Variants in MDN1 observed in about 807,000 individuals in gnomAD.
MDN1 encodes the protein midasin AAA ATPase 1.
Under a neutral mutation model 669.2 loss-of-function variants are expected in MDN1, and 266 were observed. The observed-to-expected ratio is 0.40, with a 90% CI of 0.36 to 0.44. The LOEUF is 0.44. Among genes scored for constraint, MDN1 ranks in the 20% least tolerant of loss-of-function variants. MDN1 has a pLI of 1.00. For synonymous variants in MDN1, 2,385 were observed against 2,457.1 expected, an observed-to-expected ratio of 0.97 and a Z score of 0.87; for missense variants, 5,940 against 6,754.0, an observed-to-expected ratio of 0.88 and a Z score of 4.22.
chr6:89,684,219 T>G (rs918686174), intron 71 of MDN1, among the ~76,000 whole-genome samples: 1 of 152,126 alleles, frequency 6.6e-6, no homozygotes, highest in Non-Finnish European at 1.5e-5. Context: ...GGCTTGCACC[T>G]GTAGTCCCAG....
At chr6:89,759,040 A>G in intron 17 of MDN1, 80 bp from the exon 18 acceptor site, 1 of 1,412,806 alleles carries the variant, frequency 7.1e-7, no homozygotes, top group Non-Finnish European at 9.8e-7. Flanking sequence ...AAGCAGGGTT[A>G]GAAATAGAGG....
At position 89,750,406 on chromosome 6, in the gene MDN1, C is replaced by T; in HGVS notation, c.3354G>A (p.Glu1118=). The change falls in exon 24 of 102, where the codon GAG becomes GAA. Residue 1118 remains glutamate, a synonymous_variant. Coordinates refer to ENST00000369393, the MANE Select transcript of MDN1 (RefSeq NM_014611.3). ...AGTCAGACGTGTAACAACCAATGTACTCCTGAATATCCGTGTGTTCGTGAT... is the reference window on the plus strand; with the variant it reads ...AGTCAGACGTGTAACAACCAATGTATTCCTGAATATCCGTGTGTTCGTGAT... ...INNHEHTDIQ[E]YIGCYTSDSS... The T allele has an allele frequency of 1.9e-6, 3 of 1,614,040 alleles. No homozygotes were observed. The highest frequency in any genetic ancestry group is 2.2e-5 in the South Asian group (2 of 91,074).
chr6:89,688,040 A>G (rs367855976), intron 67 of MDN1, 38 bp downstream of exon 67: 1 of 1,542,530 alleles, frequency 6.5e-7, no homozygotes, highest in Non-Finnish European at 9.0e-7. Flanking sequence ...TTGCCAACTG[A>G]CCACCAACTA....
intron 1 of MDN1, among the ~76,000 whole-genome samples, chr6:89,811,989 C>CTT (rs752960421): frequency 6.9e-6 from 1 of 145,586 alleles, no homozygotes; most frequent in African/African-American, 2.5e-5. Context: ...CAAGAAAAAA[C>CTT]TTTTTTTTTT....
chr6:89,756,305 TCA>T lies in MDN1; in HGVS notation c.2786_2787del (p.Val929GlufsTer30), dbSNP rs764188726. The stretch of plus-strand genomic sequence containing the variant: ...ATGATTCCTTGCACTGTATTCTTGT[TCA>T]CACTCAATCCTTTCAGATAATCTAC... ...LIVDYLKGLSVNKNTVQGIIN... is the reference protein window; with the variant it reads ...LIVDYLKGLSXNKNTVQGIIN... On this transcript the variant is annotated frameshift_variant, in exon 20 of 102. Transcript: ENST00000369393. LOFTEE classifies it high-confidence loss of function. The T allele has an allele frequency of 1.9e-6, 3 of 1,592,694 alleles. No homozygotes were observed. The highest frequency in any genetic ancestry group is 1.7e-4 in the Middle Eastern group (1 of 6,006).
rs769709155 is a variant in MDN1 at position 89,729,049 on chromosome 6, T to A, written c.5231A>T (p.Lys1744Ile). Residue 1744 changes from lysine to isoleucine, a missense_variant, in exon 36 of 102, where the codon AAA (lysine) becomes ATA (isoleucine). By Grantham distance (102) the Lys-to-Ile change is moderately radical (BLOSUM62 -3). This residue lies in a region of MDN1 where 2,292 missense variants were observed against 2,638.3 expected (regional missense o/e 0.87). Coordinates refer to ENST00000369393, the MANE Select transcript of MDN1 (RefSeq NM_014611.3). ...CTCCAGGAGAATGGGCTTCTTCAGT[T>A]TGGTAGCTCTTAAGAGCCTCTGTGC... ...MNAQRLLRATKLKKPILLEGS... is the reference protein window; with the variant it reads ...MNAQRLLRATILKKPILLEGS... 6.2e-7 allele frequency: 1 copy of A among 1,613,948 alleles called. No individual in the cohort carries two copies. Among genetic ancestry groups the A allele is most frequent in the Non-Finnish European group, 8.5e-7 (1 of 1,179,998 alleles).
Position 89,771,622 on chromosome 6 carries a change from C to T in MDN1, c.2084-1G>A. 6.2e-7 allele frequency: 1 copy of T among 1,613,374 alleles called. No individual in the cohort carries two copies. The highest frequency in any genetic ancestry group is 8.5e-7 in the Non-Finnish European group (1 of 1,179,468). ...ATATTGACAACCCTCAAACGGTGGC[C>T]TTTTATAAAGAAAGTGCAAAAGTGT... is the stretch of plus-strand genomic sequence containing the variant. On this transcript the variant is annotated splice_acceptor_variant, in intron 14 of 101. Transcript: ENST00000369393. LOFTEE classifies it high-confidence loss of function.
Position 89,645,105 on chromosome 6 carries a change from C to T in MDN1, c.16512G>A (p.Glu5504=), listed in dbSNP as rs1192363907. 1.9e-6 allele frequency: 3 copies of T among 1,612,016 alleles called. No homozygotes were observed. The highest frequency in any genetic ancestry group is 4.5e-5 in the East Asian group (2 of 44,854). ...VVSDGRGLFL[E]GKERVLAAVQ... is the part of the protein sequence containing the mutation. The stretch of plus-strand genomic sequence containing the variant: ...CTGCTGCCAGGACTCTTTCTTTGCC[C>T]TCAAGGAAAAGGCCTCGCCCATCAG... The change falls in exon 101 of 102, where the codon GAG becomes GAA. Residue 5504 remains glutamate (E), a synonymous_variant. Coordinates refer to ENST00000369393, the MANE Select transcript of MDN1 (RefSeq NM_014611.3).
chr6:89,714,716 A>G lies in MDN1; in HGVS notation c.6896T>C (p.Ile2299Thr), dbSNP rs150248107. 2.3e-4 allele frequency: 370 copies of G among 1,614,144 alleles called. 1 individual carries two copies. The highest frequency in any genetic ancestry group is 2.9e-4 in the Non-Finnish European group (346 of 1,180,008). The change falls in exon 46 of 102, where the codon ATA (isoleucine) becomes ACA (threonine). Residue 2299 changes from isoleucine to threonine, a missense_variant. Coordinates refer to ENST00000369393, the MANE Select transcript of MDN1 (RefSeq NM_014611.3). ...TCCACGATTCCTCATAGCTCGGGAT[A>G]TATCTCCATGAACAGGATCCATCGA... ...FLSMDPVHGD[I>T]SRAMRNRGLE...
At chr6:89,766,471 C>A (rs1393156290) in intron 15 of MDN1, among the ~76,000 whole-genome samples, 1 of 152,138 alleles carries the variant, frequency 6.6e-6, no homozygotes, top group East Asian at 1.9e-4. Flanking sequence ...GGGAACCAAC[C>A]TGACACCTCA....
In MDN1 at chr6:89,790,237, T is replaced by G; in HGVS notation, c.1020A>C (p.Glu340Asp). The change falls in exon 6 of 102, where the codon GAA (glutamate) becomes GAC (aspartate). Residue 340 changes from glutamate (E) to aspartate (D), a missense_variant. Coordinates refer to ENST00000369393, the MANE Select transcript of MDN1 (RefSeq NM_014611.3). The part of the protein sequence containing the change: ...PIGCGKTSLV[E>D]YLAAVTGRTK... ...TTCTACCTGTCACTGCAGCTAAATA[T>G]TCAACTAAGGAAGTTTTGCCACATC... 6.2e-7 allele frequency: 1 copy of G among 1,614,142 alleles called. No homozygotes were observed. Among genetic ancestry groups the G allele is most frequent in the Non-Finnish European group, 8.5e-7 (1 of 1,180,012 alleles).
intron 59 of MDN1, among the ~76,000 whole-genome samples, chr6:89,697,845 G>A (rs1465961518): frequency 1.3e-5 from 2 of 152,044 alleles, no homozygotes; most frequent in Admixed American, 1.3e-4. Flanking sequence ...GCCTCCCAAA[G>A]TGCTAGGATT....
At chr6:89,730,696 G>A (rs980404296) in intron 35 of MDN1, 30 bp downstream of exon 35, 6 of 1,583,132 alleles carry the variant, frequency 3.8e-6, no homozygotes, top group East Asian at 2.2e-5. Flanking sequence ...TATAGAAAAG[G>A]AAAATTCATT....
At position 89,668,027 on chromosome 6, in the gene MDN1, C is replaced by G; in HGVS notation, c.14081G>C (p.Gly4694Ala). The G allele has an allele frequency of 6.2e-7, 1 of 1,613,736 alleles. No homozygotes were observed. Among genetic ancestry groups the G allele is most frequent in the Non-Finnish European group, 8.5e-7 (1 of 1,179,788 alleles). The change falls in exon 84 of 102, where the codon GGA (glycine) becomes GCA (alanine). Residue 4694 changes from glycine (G) to alanine (A), a missense_variant. Around this residue, in one of 5 missense-constraint regions of MDN1, gnomAD observed 2,280 missense variants for 2,576.3 expected, o/e 0.88. Coordinates refer to ENST00000369393, the MANE Select transcript of MDN1 (RefSeq NM_014611.3). The part of the protein sequence containing the change: ...EGMKDVSDQI[G>A]NEEQVEDTFQ... The stretch of plus-strand genomic sequence containing the variant: ...GTGAAAACGTACCTGTTCTTCATTT[C>G]CGATCTGGTCACTCACATCCTTCAT...
intron 40 of MDN1, 32 bp from the exon 41 acceptor site, chr6:89,719,257 A>T: frequency 6.4e-7 from 1 of 1,552,330 alleles, no homozygotes; most frequent in Non-Finnish European, 8.9e-7. Context: ...ATGAAAACAC[A>T]AATCACTCCA....
At chr6:89,814,944 G>C (rs912666816) in intron 1 of MDN1, 2 of 487,910 alleles carry the variant, frequency 4.1e-6, no homozygotes, top group East Asian at 1.0e-4. Context: ...GCTCAGCTAA[G>C]AGCACCCTGG....
At chr6:89,776,549 A>C (rs1275054875) in intron 12 of MDN1, 51 bp downstream of exon 12, 2 of 1,436,820 alleles carry the variant, frequency 1.4e-6, no homozygotes, top group African/African-American at 2.8e-5. Flanking sequence ...GCAAGCAAGC[A>C]AAAAATCCTA....
At chr6:89,714,809 T>G in intron 45 of MDN1, 58 bp from the exon 46 acceptor site, 1 of 1,437,886 alleles carries the variant, frequency 7.0e-7, no homozygotes, top group South Asian at 1.3e-5. Context: ...CAACCAAAGG[T>G]GTAGCTCAGC....
chr6:89,672,858 A>G (rs921216351), intron 80 of MDN1, among the ~76,000 whole-genome samples, 156 bp from the exon 81 acceptor site: 6 of 152,236 alleles, frequency 3.9e-5, no homozygotes, highest in Non-Finnish European at 8.8e-5. Flanking sequence ...TTGCCTCGAT[A>G]AACCTACAAG....
Sources: allele counts gnomAD v4.1 joint callset (sites outside exome capture counted in the v4.1 genomes callset), GRCh38; gene constraint gnomAD v4.1.1; regional missense constraint gnomAD v4.1.1; transcripts MANE v1.5; gene names NCBI Gene and HGNC (gene_info 2026-07-23, HGNC 2026-07-21).